PPM1H: variants seen among roughly 807,000 people sequenced by gnomAD.
The protein encoded by PPM1H is protein phosphatase 1H.
Under a neutral mutation model 54.9 loss-of-function variants are expected in PPM1H, and 27 were observed. That is an observed-to-expected ratio of 0.49 (90% CI 0.36 to 0.68). PPM1H has a LOEUF of 0.68. Ranked by LOEUF, PPM1H falls within the 30% of genes least tolerant of loss-of-function variation. The probability of loss-of-function intolerance (pLI) is 0.00; values close to 1 mark genes in which losing one functional copy is unlikely to be tolerated. For synonymous variants in PPM1H, 305 were observed against 270.8 expected, an observed-to-expected ratio of 1.13 and a Z score of -1.24; for missense variants, 596 against 667.8, an observed-to-expected ratio of 0.89 and a Z score of 1.19.
chr12:62,927,480 G>A lies in PPM1H; in HGVS notation c.245+7012C>T, dbSNP rs184551157. ...TTTAAGACCAGTGTGGCCAACATGAGGAAACCTCATCTCTACTAAAAATAC... is the reference window on the plus strand; with the variant it reads ...TTTAAGACCAGTGTGGCCAACATGAAGAAACCTCATCTCTACTAAAAATAC... On this transcript the variant is annotated intron_variant, in intron 1 of 9. Coordinates refer to ENST00000228705, the MANE Select transcript of PPM1H (RefSeq NM_020700.2). 1.7e-3 allele frequency among the ~76,000 whole-genome samples: 261 copies of A among 151,906 alleles called. 1 individual carries two copies. Among genetic ancestry groups the A allele is most frequent in the Admixed American group, 4.1e-3 (63 of 15,260 alleles).
In PPM1H at chr12:62,847,949, T is replaced by C. The variant is rs143510834; in HGVS notation, c.246-15670A>G. Among the ~76,000 whole-genome samples the C allele has an allele frequency of 4.6e-5, 7 of 152,302 alleles. No homozygotes were observed. The East Asian group carries it at 1.4e-3, about 29-fold the overall frequency. On this transcript the variant is annotated intron_variant, in intron 1 of 9. Coordinates refer to ENST00000228705, the MANE Select transcript of PPM1H (RefSeq NM_020700.2). ...GTAACTGTTTACCTTCCTTATTGCA[T>C]TTTAATCTAGAGATTAAAATAGATC... is the stretch of plus-strand genomic sequence containing the variant.
At chr12:62,830,981 G>C (rs1016890512) in intron 2 of PPM1H, among the ~76,000 whole-genome samples, 12 of 152,040 alleles carry the variant, frequency 7.9e-5, no homozygotes, top group Non-Finnish European at 1.8e-4. Context: ...AGCCTCCTGA[G>C]TAGCTGGGAT....
intron 3 of PPM1H, among the ~76,000 whole-genome samples, chr12:62,797,517 G>C (rs2076741408): frequency 6.6e-6 from 1 of 152,192 alleles, no homozygotes; most frequent in Non-Finnish European, 1.5e-5. Context: ...GTTTAGGAAT[G>C]ATCTGGAAAA....
At chr12:62,649,213 AT>A (rs1437895358) in intron 9 of PPM1H, among the ~76,000 whole-genome samples, 2 of 149,660 alleles carry the variant, frequency 1.3e-5, no homozygotes, top group Non-Finnish European at 3.0e-5. Flanking sequence ...TTTTTTTTTA[AT>A]TTATTTAATT....
At chr12:62,790,108 A>C (rs565258498) in intron 3 of PPM1H, among the ~76,000 whole-genome samples, 18 of 152,292 alleles carry the variant, frequency 1.2e-4, no homozygotes, top group Admixed American at 1.2e-3. Context: ...ACAGAGTTAG[A>C]GCTCAGCTGC....
At chr12:62,892,811 A>C (rs1049502831) in intron 1 of PPM1H, among the ~76,000 whole-genome samples, 1 of 152,144 alleles carries the variant, frequency 6.6e-6, no homozygotes, top group Non-Finnish European at 1.5e-5. Context: ...GCAAATGTAC[A>C]TTTCAAAAGT....
At chr12:62,838,362 A>G (rs1211233301) in intron 1 of PPM1H, among the ~76,000 whole-genome samples, 3 of 150,198 alleles carry the variant, frequency 2.0e-5, no homozygotes, top group African/African-American at 7.4e-5. Flanking sequence ...TGAATAACTT[A>G]TGGAAGACCA....
chr12:62,712,003 C>A (rs982265424), intron 6 of PPM1H, among the ~76,000 whole-genome samples: 1 of 152,228 alleles, frequency 6.6e-6, no homozygotes, highest in Non-Finnish European at 1.5e-5. Flanking sequence ...GGCCCGCTTT[C>A]TTCCCTGCTG....
At chr12:62,810,927 C>A (rs1194282926) in intron 2 of PPM1H, among the ~76,000 whole-genome samples, 1 of 152,184 alleles carries the variant, frequency 6.6e-6, no homozygotes, top group Non-Finnish European at 1.5e-5. Context: ...ATGTGCCAGG[C>A]TCCATGCTGG....
intron 1 of PPM1H, among the ~76,000 whole-genome samples, chr12:62,914,802 C>A (rs2037138377): frequency 6.6e-6 from 1 of 152,194 alleles, no homozygotes; most frequent in South Asian, 2.1e-4. Context: ...AAGTGTAAGC[C>A]TCCCATGTGC....
chr12:62,709,453 A>G (rs765986446), intron 6 of PPM1H, among the ~76,000 whole-genome samples: 80 of 152,208 alleles, frequency 5.3e-4, no homozygotes, highest in Admixed American at 8.5e-4. Flanking sequence ...CAAAACACAC[A>G]TCACATTTTC....
At position 62,697,439 on chromosome 12, in the gene PPM1H, C is replaced by G. The variant is rs2076120878; in HGVS notation, c.1074-3440G>C. ...GCTGCTTTTCTGGCCATCTCGCCAG[C>G]AATGAGTGACCACAGAGTCAACCAA... is the stretch of plus-strand genomic sequence containing the variant. On this transcript the variant is annotated intron_variant, in intron 6 of 9. Coordinates refer to ENST00000228705, the MANE Select transcript of PPM1H (RefSeq NM_020700.2). Among the ~76,000 whole-genome samples, 3 of 152,154 alleles carry G rather than the reference C, an allele frequency of 2.0e-5. No individual in the cohort carries two copies. In the South Asian group the frequency reaches 6.2e-4, roughly 32 times the overall value.
Position 62,762,964 on chromosome 12 carries a change from T to C in PPM1H, c.869+25262A>G, listed in dbSNP as rs11174635. Among the ~76,000 whole-genome samples the C allele has an allele frequency of 4.7e-5, 7 of 148,992 alleles. No individual in the cohort carries two copies. In the East Asian group the frequency reaches 9.8e-4, roughly 21 times the overall value. ...GTGCATGATTCAATCCTTCCTCTTATTGAAAGGAAAGAAACTATTTTTTTT... is the reference window on the plus strand; with the variant it reads ...GTGCATGATTCAATCCTTCCTCTTACTGAAAGGAAAGAAACTATTTTTTTT... On this transcript the variant is annotated intron_variant, in intron 4 of 9. Transcript: ENST00000228705.
chr12:62,864,482 A>G (rs1869707280), intron 1 of PPM1H, among the ~76,000 whole-genome samples: 1 of 152,234 alleles, frequency 6.6e-6, no homozygotes, highest in Non-Finnish European at 1.5e-5. Flanking sequence ...TCTGCTATAT[A>G]GAATTTTAGC....
At chr12:62,756,306 C>A (rs2076474292) in intron 4 of PPM1H, 3 of 572,392 alleles carry the variant, frequency 5.2e-6, no homozygotes, top group African/African-American at 3.8e-5. Flanking sequence ...AAGTCCCTGC[C>A]ATACTCAGTC....
At chr12:62,667,078 C>T (rs945966579) in intron 9 of PPM1H, 100 bp downstream of exon 9, 1 of 1,343,314 alleles carries the variant, frequency 7.4e-7, no homozygotes, top group Non-Finnish European at 1.0e-6. Flanking sequence ...CCATATCAGC[C>T]TCTAAGTCAT....
intron 1 of PPM1H, among the ~76,000 whole-genome samples, chr12:62,924,655 T>A (rs1187748417): frequency 6.6e-6 from 1 of 152,214 alleles, no homozygotes; most frequent in Non-Finnish European, 1.5e-5. Flanking sequence ...CAGAATACAT[T>A]TTCTTTGTAA....
chr12:62,792,049 C>T (rs2076704157), intron 3 of PPM1H, among the ~76,000 whole-genome samples: 1 of 152,210 alleles, frequency 6.6e-6, no homozygotes, highest in Admixed American at 6.5e-5. Context: ...CGTTATGGTG[C>T]AAAAAGTCCA....
intron 4 of PPM1H, among the ~76,000 whole-genome samples, chr12:62,780,921 G>A (rs1169664376): frequency 3.3e-5 from 5 of 152,136 alleles, no homozygotes; most frequent in African/African-American, 1.2e-4. Flanking sequence ...ATAATCTCAC[G>A]CCAGCATTTC....
Sources: gnomAD v4.1 joint callset for allele counts (sites outside exome capture counted in the v4.1 genomes callset) on GRCh38, gnomAD v4.1.1 for gene constraint, MANE v1.5 for transcripts, NCBI Gene and HGNC (gene_info 2026-07-23, HGNC 2026-07-21) for gene names.